ATAD2B: variants seen among roughly 807,000 people sequenced by gnomAD.
ATAD2B encodes ATPase family AAA domain containing 2B, also known as ATPase family AAA domain-containing protein 2B.
A neutral mutation model predicts 167.6 loss-of-function variants in ATAD2B; 40 were observed. The observed-to-expected ratio is 0.24, with a 90% CI of 0.19 to 0.31. The LOEUF (loss-of-function observed/expected upper bound fraction) is 0.31. Ranked by LOEUF, ATAD2B falls within the 10% of genes least tolerant of loss-of-function variation. The probability of loss-of-function intolerance (pLI) is 1.00; values close to 1 mark genes in which losing one functional copy is unlikely to be tolerated. For synonymous variants in ATAD2B, 579 were observed against 596.5 expected (o/e 0.97, Z 0.43); for missense variants, 1,242 against 1,757.2 (o/e 0.71, Z 5.24).
chr2:23,766,920 G>GAAA lies in ATAD2B; in HGVS notation c.3134-1295_3134-1293dup, dbSNP rs35692182. The stretch of plus-strand genomic sequence containing the variant: ...AGTAGCTACTGAAAGAGTAAGGGGG[G>GAAA]AAAAAAAAAAAAACAACTAGTGCAG... On this transcript the variant is annotated intron_variant, in intron 22 of 27. Transcript: ENST00000238789. 4.9e-5 allele frequency among the ~76,000 whole-genome samples: 7 copies of GAAA among 144,224 alleles called. No individual in the cohort carries two copies. The South Asian group carries it at 1.1e-3, about 23-fold the overall frequency. The allele number at this position is 144,224 out of a possible 152,430, so 94.6% of individuals were successfully genotyped here.
intron 19 of ATAD2B, among the ~76,000 whole-genome samples, chr2:23,788,944 T>C (rs1312918468): frequency 3.3e-5 from 5 of 151,986 alleles, no homozygotes; most frequent in Admixed American, 6.6e-5. Context: ...ATGGCAACAA[T>C]CTCAAAGGCT....
chr2:23,774,314 G>A (rs1678764024), intron 22 of ATAD2B, among the ~76,000 whole-genome samples: 2 of 152,210 alleles, frequency 1.3e-5, no homozygotes, highest in South Asian at 4.1e-4. Flanking sequence ...ACCAGGCATG[G>A]TTGTAAGTCC....
At chr2:23,769,130 C>T (rs1677900320) in intron 22 of ATAD2B, among the ~76,000 whole-genome samples, 3 of 152,134 alleles carry the variant, frequency 2.0e-5, no homozygotes, top group Non-Finnish European at 4.4e-5. Flanking sequence ...TCTCCAGATG[C>T]TTATATCTCT....
intron 1 of ATAD2B, among the ~76,000 whole-genome samples, chr2:23,908,108 A>G (rs1701752961): frequency 6.6e-6 from 1 of 152,226 alleles, no homozygotes; most frequent in Non-Finnish European, 1.5e-5. Context: ...AAACACCAAA[A>G]GCAATGGCAA....
the ATAD2B span, chr2:23,695,997 G>A: frequency 6.4e-7 from 1 of 1,551,704 alleles, no homozygotes; most frequent in Non-Finnish European, 8.7e-7. This position sits in a 1 kb window ranked among gnomAD's most constrained non-coding sequence, Gnocchi z 7.6. Context: ...AGATGGTGGG[G>A]ATGACCCAGC....
At chr2:23,899,010 T>C (rs1411384352) in intron 1 of ATAD2B, among the ~76,000 whole-genome samples, 5 of 152,084 alleles carry the variant, frequency 3.3e-5, no homozygotes, top group Non-Finnish European at 7.4e-5. Context: ...TAGCCAGGCA[T>C]GGTGGCCCAT....
Position 23,783,024 on chromosome 2 carries a change from G to T in ATAD2B, c.2978C>A (p.Ser993Ter). The T allele has an allele frequency of 6.7e-7, 1 of 1,496,404 alleles. No homozygotes were observed. The highest frequency in any genetic ancestry group is 1.2e-5 in the South Asian group (1 of 82,064). 92.7% of individuals were successfully genotyped at this position (1,496,404 alleles called of 1,614,324 possible). A position where few individuals can be genotyped will look rare whatever the true frequency, so the allele number is the denominator to read the frequency against. ...TTCCTTGATTACTTCAAGATAATCTGAAACCTAAAACAGATATTTTAATAA... is the reference window on the plus strand; with the variant it reads ...TTCCTTGATTACTTCAAGATAATCTTAAACCTAAAACAGATATTTTAATAA... ...FSKPVDIEEV[S>*]DYLEVIKEPM... The change falls in exon 22 of 28, where the codon TCA becomes TAA. Residue 993 changes from serine (S) to a stop codon, truncating the protein, a stop_gained. Coordinates refer to ENST00000238789, the MANE Select transcript of ATAD2B (RefSeq NM_017552.4). LOFTEE classifies it high-confidence loss of function.
intron 22 of ATAD2B, among the ~76,000 whole-genome samples, chr2:23,770,890 T>A (rs1392284523): frequency 6.6e-6 from 1 of 152,242 alleles, no homozygotes; most frequent in East Asian, 1.9e-4. Flanking sequence ...GGAATTCTGA[T>A]AGGATGGTGT....
the ATAD2B span, among the ~76,000 whole-genome samples, chr2:23,715,067 T>A: frequency 1.3e-5 from 2 of 152,066 alleles, no homozygotes; most frequent in South Asian, 4.1e-4. Context: ...ACTCTACATA[T>A]AAACTAAAAC....
chr2:23,680,288 C>A, the ATAD2B span, among the ~76,000 whole-genome samples: 2 of 152,062 alleles, frequency 1.3e-5, no homozygotes, highest in Non-Finnish European at 2.9e-5. The surrounding 1 kb of genome is among the most constrained non-coding windows in gnomAD (Gnocchi z 4.1). Context: ...CTGCGGATTG[C>A]GGGCAGTGGA....
At chr2:23,696,247 C>A in the ATAD2B span, 1 of 1,482,796 alleles carries the variant, frequency 6.7e-7, no homozygotes, top group Non-Finnish European at 9.2e-7. This position sits in a 1 kb window ranked among gnomAD's most constrained non-coding sequence, Gnocchi z 5.5. Flanking sequence ...GCAGGTGAAG[C>A]CTTCCTCTGC....
the ATAD2B span, among the ~76,000 whole-genome samples, chr2:23,710,312 T>TAG: frequency 6.6e-6 from 1 of 152,054 alleles, no homozygotes; most frequent in Non-Finnish European, 1.5e-5. Context: ...TAAACAAACA[T>TAG]ACAACAAAAA....
At chr2:23,716,234 C>A in the ATAD2B span, among the ~76,000 whole-genome samples, 2 of 152,182 alleles carry the variant, frequency 1.3e-5, no homozygotes, top group African/African-American at 4.8e-5. Context: ...ATTATAGACA[C>A]ATGACTAGAG....
intron 12 of ATAD2B, among the ~76,000 whole-genome samples, chr2:23,861,115 C>T (rs1364524887): frequency 2.0e-5 from 3 of 150,370 alleles, no homozygotes; most frequent in South Asian, 4.2e-4. Context: ...TTTTTATATA[C>T]ATGAAACAAA....
chr2:23,811,734 C>T (rs2149549619), intron 17 of ATAD2B, among the ~76,000 whole-genome samples: 2 of 152,062 alleles, frequency 1.3e-5, no homozygotes, highest in South Asian at 4.2e-4. Context: ...TATCCCAAAA[C>T]TTAAAGTATA....
chr2:23,723,352 G>A, the ATAD2B span, among the ~76,000 whole-genome samples: 1 of 147,514 alleles, frequency 6.8e-6, no homozygotes, highest in Non-Finnish European at 1.5e-5. Flanking sequence ...AGGAAGGGGA[G>A]GGGATGGGAG....
chr2:23,862,841 G>A (rs1023625445), intron 12 of ATAD2B, among the ~76,000 whole-genome samples: 2 of 152,066 alleles, frequency 1.3e-5, no homozygotes, highest in Non-Finnish European at 2.9e-5. Flanking sequence ...TATATCCTGT[G>A]TTGTCTAAAG....
chr2:23,719,614 C>T, the ATAD2B span, among the ~76,000 whole-genome samples: 4 of 152,074 alleles, frequency 2.6e-5, no homozygotes, highest in African/African-American at 7.2e-5. Flanking sequence ...CTTCCACATC[C>T]ATGACACCCT....
intron 24 of ATAD2B, among the ~76,000 whole-genome samples, chr2:23,758,423 T>C (rs1226938232): frequency 1.3e-5 from 2 of 152,180 alleles, no homozygotes; most frequent in Non-Finnish European, 2.9e-5. Flanking sequence ...ACGCATATAA[T>C]ATACACATTT....
Sources: allele counts gnomAD v4.1 joint callset (sites outside exome capture counted in the v4.1 genomes callset), GRCh38; gene constraint gnomAD v4.1.1; non-coding constraint Gnocchi (gnomAD v3.1); transcripts MANE v1.5; gene names NCBI Gene and HGNC (gene_info 2026-07-23, HGNC 2026-07-21).